The following OPRM1 variants were observed in gnomAD, a reference collection of about 807,000 sequenced individuals.
The protein encoded by OPRM1 is mu-type opioid receptor.
Under a neutral mutation model 31.8 loss-of-function variants are expected in OPRM1, and 27 were observed. The ratio of observed to expected loss-of-function variants is 0.85; its 90% CI spans 0.63 to 1.17. The LOEUF is 1.17. Among genes scored for constraint, OPRM1 ranks in the 50% most tolerant of loss-of-function variants. OPRM1 has a pLI of 0.00. For synonymous variants in OPRM1, 196 were observed against 189.9 expected (o/e 1.03, Z -0.26); for missense variants, 536 against 511.1 (o/e 1.05, Z -0.47).
chr6:154,064,324 T>G (rs1185181604), intron 1 of OPRM1, among the ~76,000 whole-genome samples: 1 of 152,166 alleles, frequency 6.6e-6, no homozygotes, highest in Non-Finnish European at 1.5e-5. Context: ...TTGTCTATTT[T>G]TTAAATTGGG....
chr6:154,106,822 A>G (rs575687620), intron 3 of OPRM1, among the ~76,000 whole-genome samples: 1 of 152,336 alleles, frequency 6.6e-6, no homozygotes, highest in South Asian at 2.1e-4. Flanking sequence ...ACAATTTTCA[A>G]AAGTCAAAGA....
chr6:154,138,974 C>T lies in OPRM1; in HGVS notation c.1164+47502C>T, dbSNP rs141338259. ...TGACCCCACCCAGGAACTGACTCAGCGCAAGAAGACTGGGACACCCCAGGA... is the reference window on the plus strand; with the variant it reads ...TGACCCCACCCAGGAACTGACTCAGTGCAAGAAGACTGGGACACCCCAGGA... On this transcript the variant is annotated intron_variant, in intron 3 of 3. Transcript: ENST00000337049. 1.1e-3 allele frequency among the ~76,000 whole-genome samples: 168 copies of T among 152,286 alleles called. 2 individuals carry two copies. In the Middle Eastern group the frequency reaches 0.024, roughly 22 times the overall value.
intron 3 of OPRM1, among the ~76,000 whole-genome samples, chr6:154,106,293 A>G (rs1417598145): frequency 6.6e-6 from 1 of 152,234 alleles, no homozygotes; most frequent in Non-Finnish European, 1.5e-5. Context: ...GTTAACTCTT[A>G]GCAACTTCTA....
chr6:154,119,340 G>T lies in OPRM1; in HGVS notation c.*619G>T. Reference sequence around the variant, plus strand: ...TGCAAGGGAAGAGATTAGCATGAAAGGTAATCTGAAACACAGTCATGTGTC... The same window carrying T: ...TGCAAGGGAAGAGATTAGCATGAAATGTAATCTGAAACACAGTCATGTGTC... On this transcript the variant is annotated 3_prime_UTR_variant, in exon 4 of 4. Coordinates refer to ENST00000330432, the MANE Select transcript of OPRM1 (RefSeq NM_000914.5). 1.0e-6 allele frequency: 1 copy of T among 985,324 alleles called. No homozygotes were observed. The highest frequency in any genetic ancestry group is 1.2e-6 in the Non-Finnish European group (1 of 829,856). 61.0% of individuals were successfully genotyped at this position (985,324 alleles called of 1,614,324 possible). A position where few individuals can be genotyped will look rare whatever the true frequency, so the allele number is the denominator to read the frequency against.
upstream of OPRM1, among the ~76,000 whole-genome samples, chr6:154,036,923 T>C (rs1779338483): frequency 6.6e-6 from 1 of 151,976 alleles, no homozygotes; most frequent in Non-Finnish European, 1.5e-5. Context: ...TATTAAGTAC[T>C]GTGTTAGTGA....
At chr6:154,080,711 G>A (rs539043552) in intron 1 of OPRM1, among the ~76,000 whole-genome samples, 1 of 152,252 alleles carries the variant, frequency 6.6e-6, no homozygotes, top group African/African-American at 2.4e-5. Flanking sequence ...CTGGTGACCC[G>A]TACGTGAGTG....
intron 1 of OPRM1, among the ~76,000 whole-genome samples, chr6:154,025,900 G>A (rs1778668240): frequency 6.6e-6 from 1 of 151,960 alleles, no homozygotes; most frequent in Admixed American, 6.6e-5. Flanking sequence ...CTTATGTCTT[G>A]AAAAGTTGCT....
intron 3 of OPRM1, among the ~76,000 whole-genome samples, chr6:154,143,987 G>T (rs1040981605): frequency 6.6e-6 from 1 of 151,976 alleles, no homozygotes; most frequent in Non-Finnish European, 1.5e-5. Context: ...AATGAAACAG[G>T]GTTTTCAGTA....
At chr6:154,110,886 CAAAA>C (rs374739553) in intron 3 of OPRM1, among the ~76,000 whole-genome samples, 44 of 63,608 alleles carry the variant, frequency 6.9e-4, no homozygotes, top group Non-Finnish European at 9.6e-4. Flanking sequence ...GACTCCGTCT[CAAAA>C]AAAAAAAAAA....
chr6:154,070,689 G>A (rs1786519673), intron 1 of OPRM1, among the ~76,000 whole-genome samples: 1 of 152,206 alleles, frequency 6.6e-6, no homozygotes, highest in South Asian at 2.1e-4. Flanking sequence ...CACAGACACA[G>A]TTCTCAGATT....
intron 1 of OPRM1, among the ~76,000 whole-genome samples, chr6:154,073,191 A>G (rs1787170359): frequency 6.6e-6 from 1 of 152,164 alleles, no homozygotes; most frequent in South Asian, 2.1e-4. Context: ...CAGCCAATAT[A>G]AGCTGCAGGT....
chr6:154,230,586 G>A (rs1210660444), intron 3 of OPRM1, among the ~76,000 whole-genome samples: 1 of 152,164 alleles, frequency 6.6e-6, no homozygotes, highest in Non-Finnish European at 1.5e-5. Context: ...AGAGTGACGT[G>A]TATTCCCGAG....
chr6:154,141,588 G>T (rs552525476), intron 3 of OPRM1, among the ~76,000 whole-genome samples: 218 of 152,334 alleles, frequency 1.4e-3, no homozygotes, highest in Non-Finnish European at 2.5e-3. Flanking sequence ...GCCCAAGGTG[G>T]TCAGAGCACA....
intron 3 of OPRM1, among the ~76,000 whole-genome samples, chr6:154,204,787 C>G (rs758648912): frequency 6.6e-6 from 1 of 152,190 alleles, no homozygotes; most frequent in African/African-American, 2.4e-5. Context: ...AAAAAGTCCA[C>G]AATATTCCTC....
At chr6:154,172,052 G>A (rs1690137289) in intron 3 of OPRM1, among the ~76,000 whole-genome samples, 1 of 152,136 alleles carries the variant, frequency 6.6e-6, no homozygotes, top group South Asian at 2.1e-4. Flanking sequence ...TAGCTACATT[G>A]TGCTACTAAA....
intron 3 of OPRM1, among the ~76,000 whole-genome samples, chr6:154,236,282 T>C (rs560926855): frequency 1.2e-4 from 19 of 152,214 alleles, no homozygotes; most frequent in African/African-American, 4.6e-4. Context: ...CTAAGTAAAA[T>C]AGGCCAGTCA....
At chr6:154,110,472 C>A in intron 3 of OPRM1, 1 of 1,107,820 alleles carries the variant, frequency 9.0e-7, no homozygotes, top group Non-Finnish European at 1.3e-6. Context: ...CTGGGTTCTG[C>A]TGCTAGCCCT....
At chr6:154,241,331 G>T (rs759733316) in intron 3 of OPRM1, among the ~76,000 whole-genome samples, 3 of 151,366 alleles carry the variant, frequency 2.0e-5, no homozygotes, top group Non-Finnish European at 2.9e-5. Context: ...TCCTTGAACT[G>T]GTGATGCAAT....
At chr6:154,236,327 G>C (rs930278359) in intron 3 of OPRM1, among the ~76,000 whole-genome samples, 2 of 152,182 alleles carry the variant, frequency 1.3e-5, no homozygotes, top group African/African-American at 4.8e-5. Flanking sequence ...CCACTTATAG[G>C]AGGGAACTAC....
Sources: allele counts gnomAD v4.1 joint callset (sites outside exome capture counted in the v4.1 genomes callset), GRCh38; gene constraint gnomAD v4.1.1; transcripts MANE v1.5; gene names NCBI Gene and HGNC (gene_info 2026-07-23, HGNC 2026-07-21).